SLC18A2: variants seen among roughly 807,000 people sequenced by gnomAD.
SLC18A2 encodes the protein solute carrier family 18 member A2.
SLC18A2 carries 33 observed loss-of-function variants against 59.2 expected under a neutral mutation model. The observed-to-expected ratio is 0.56, with a 90% CI of 0.42 to 0.75. SLC18A2 has a LOEUF of 0.75. Ranked by LOEUF, SLC18A2 falls within the 30% of genes least tolerant of loss-of-function variation. The pLI, the probability that SLC18A2 is intolerant of heterozygous loss-of-function variation, is 0.00. For missense variants in SLC18A2, 569 were observed against 668.6 expected (o/e 0.85, Z 1.64); for synonymous variants, 228 against 253.5 (o/e 0.90, Z 0.95).
chr10:117,253,224 C>T (rs1053662073), intron 3 of SLC18A2, among the ~76,000 whole-genome samples, 175 bp from the exon 4 acceptor site: 1 of 152,008 alleles, frequency 6.6e-6, no homozygotes, highest in Non-Finnish European at 1.5e-5. Flanking sequence ...ATTCACGTTC[C>T]AAGACAGTCA....
chr10:117,257,163 C>T (rs1383204355), intron 9 of SLC18A2, among the ~76,000 whole-genome samples: 2 of 152,208 alleles, frequency 1.3e-5, no homozygotes, highest in South Asian at 2.1e-4. Flanking sequence ...AGGCACAACA[C>T]GGGAAGTTCC....
chr10:117,249,793 A>T (rs1213138248), intron 3 of SLC18A2, among the ~76,000 whole-genome samples: 2 of 151,830 alleles, frequency 1.3e-5, no homozygotes, highest in African/African-American at 4.8e-5. Context: ...TTATTGTTTT[A>T]CATGTTTTTC....
intron 4 of SLC18A2, among the ~76,000 whole-genome samples, 173 bp downstream of exon 4, chr10:117,253,630 GAGGTC>G (rs1169060494): frequency 6.6e-6 from 1 of 152,116 alleles, no homozygotes; most frequent in Non-Finnish European, 1.5e-5. Context: ...CGGATCATCT[GAGGTC>G]AGGAGTCCGA....
intron 15 of SLC18A2, among the ~76,000 whole-genome samples, chr10:117,276,047 T>C (rs1428254413): frequency 6.6e-6 from 1 of 151,698 alleles, no homozygotes; most frequent in East Asian, 1.9e-4. Context: ...TCCTACCACT[T>C]TGGGAGGTTG....
chr10:117,245,358 C>T (rs1393148289), intron 3 of SLC18A2, among the ~76,000 whole-genome samples: 1 of 152,060 alleles, frequency 6.6e-6, no homozygotes, highest in Non-Finnish European at 1.5e-5. Flanking sequence ...ACTAAGGAGG[C>T]AGGGGAAACC....
intron 10 of SLC18A2, among the ~76,000 whole-genome samples, chr10:117,260,513 G>A (rs1844283697): frequency 6.6e-6 from 1 of 152,212 alleles, no homozygotes. Flanking sequence ...AGGGGGCATA[G>A]GCTGTGTGTC....
At position 117,277,189 on chromosome 10, in the gene SLC18A2, A is replaced by G; in HGVS notation, c.1468A>G (p.Ile490Val). Residue 490 changes from isoleucine (I) to valine (V), a missense_variant, in exon 16 of 16, where the codon ATT (isoleucine) becomes GTT (valine). Transcript: ENST00000644641. Reference sequence around the variant, plus strand: ...TATTCTCATGGATCACAACTGCCCTATTAAAACAAAAATGTACACTCAGAA... The same window carrying G: ...TATTCTCATGGATCACAACTGCCCTGTTAAAACAAAAATGTACACTCAGAA... ...MAILMDHNCPIKTKMYTQNNI... is the reference protein window; with the variant it reads ...MAILMDHNCPVKTKMYTQNNI... 6.2e-7 allele frequency: 1 copy of G among 1,610,374 alleles called. No individual in the cohort carries two copies. The highest frequency in any genetic ancestry group is 2.2e-5 in the East Asian group (1 of 44,766).
At chr10:117,250,911 G>A (rs363405) in intron 3 of SLC18A2, among the ~76,000 whole-genome samples, 10,291 of 152,214 alleles carry the variant, frequency 0.068, 688 homozygotes, top group African/African-American at 0.17. Flanking sequence ...CTGAACAGTG[G>A]GCACAGTATG....
chr10:117,248,184 C>T (rs1844128642), intron 3 of SLC18A2, among the ~76,000 whole-genome samples: 2 of 152,094 alleles, frequency 1.3e-5, no homozygotes. Flanking sequence ...AGGCTGATCT[C>T]GAACTCCTGA....
At chr10:117,257,711 C>A in intron 9 of SLC18A2, 86 bp from the exon 10 acceptor site, 1 of 731,524 alleles carries the variant, frequency 1.4e-6, no homozygotes, top group Non-Finnish European at 2.2e-6. Context: ...TTGCGGTTAT[C>A]TGAGCTGTAG....
At chr10:117,263,863 G>A (rs1844320657) in intron 10 of SLC18A2, among the ~76,000 whole-genome samples, 1 of 152,104 alleles carries the variant, frequency 6.6e-6, no homozygotes, top group Non-Finnish European at 1.5e-5. Flanking sequence ...GTAGGACACG[G>A]GCCTGTACCA....
rs112253480 is a variant in SLC18A2 at position 117,244,463 on chromosome 10, C to G, written c.464+150C>G. On this transcript the variant is annotated intron_variant, in intron 3 of 15. Coordinates refer to ENST00000644641, the MANE Select transcript of SLC18A2 (RefSeq NM_003054.6). ...AAAACCCAGTCCCCTTCCCCTATGT[C>G]TCTGTTCCCAGATAACCACAATTTC... 2.7e-5 allele frequency: 18 copies of G among 667,824 alleles called. No homozygotes were observed. In the Admixed American group the frequency reaches 5.2e-4, roughly 19 times the overall value. 41.4% of individuals were successfully genotyped at this position (667,824 alleles called of 1,614,324 possible).
At chr10:117,260,846 C>T (rs1844287400) in intron 10 of SLC18A2, among the ~76,000 whole-genome samples, 1 of 152,180 alleles carries the variant, frequency 6.6e-6, no homozygotes, top group Admixed American at 6.5e-5. Context: ...TTAGAAACAA[C>T]TCTGTTAGAG....
rs1440876197 is a variant in SLC18A2 at position 117,278,999 on chromosome 10, C to T, written c.*1733C>T. 6.6e-6 allele frequency: 1 copy of T among 152,142 alleles called. No individual in the cohort carries two copies. The highest frequency in any genetic ancestry group is 1.5e-5 in the Non-Finnish European group (1 of 68,030). The allele number at this position is 152,142 out of a possible 1,614,324, so 9.4% of individuals were successfully genotyped here. The stretch of plus-strand genomic sequence containing the variant: ...TGAGGGTTTCTGGTTCTCCCTGCCC[C>T]CAATACCATATACTTTATTGCAATT... On this transcript the variant is annotated 3_prime_UTR_variant, in exon 16 of 16. Coordinates refer to ENST00000644641, the MANE Select transcript of SLC18A2 (RefSeq NM_003054.6).
rs765456427 is a variant in SLC18A2, at chr10:117,267,754, T to C, written c.1186+18T>C. 1 of 1,536,846 alleles carries C rather than the reference T, an allele frequency of 6.5e-7. No individual in the cohort carries two copies. Among genetic ancestry groups the C allele is most frequent in the Non-Finnish European group, 8.9e-7 (1 of 1,122,382 alleles). ...TGCAATTGGTAAGTCACACGAACCTTGTGCCTACATTTAAAACCGCTTTTC... is the reference window on the plus strand; with the variant it reads ...TGCAATTGGTAAGTCACACGAACCTCGTGCCTACATTTAAAACCGCTTTTC... On this transcript the variant is annotated intron_variant, in intron 13 of 15. Transcript: ENST00000644641.
chr10:117,259,467 A>G (rs1230625978), intron 10 of SLC18A2, among the ~76,000 whole-genome samples: 3 of 152,154 alleles, frequency 2.0e-5, no homozygotes, highest in Admixed American at 2.0e-4. Flanking sequence ...CTTGCCCTTG[A>G]CTGACTTCCT....
intron 15 of SLC18A2, among the ~76,000 whole-genome samples, chr10:117,276,338 G>A (rs1291599730): frequency 2.6e-5 from 4 of 151,994 alleles, no homozygotes; most frequent in African/African-American, 9.7e-5. Context: ...CTGGCTGGGT[G>A]CAGTGGCTCG....
chr10:117,272,359 C>T (rs1844437332), intron 15 of SLC18A2, among the ~76,000 whole-genome samples: 1 of 152,214 alleles, frequency 6.6e-6, no homozygotes, highest in South Asian at 2.1e-4. Flanking sequence ...CCTTGCCAAG[C>T]CGGCAAACAT....
rs1388483117 is a variant in SLC18A2, at chr10:117,278,672, G to A, written c.*1406G>A. ...TTTGTGTTAACTTCGACATCAAGGAGCAAAGAACTTTAGAACAGACTCCTC... is the reference window on the plus strand; with the variant it reads ...TTTGTGTTAACTTCGACATCAAGGAACAAAGAACTTTAGAACAGACTCCTC... On this transcript the variant is annotated 3_prime_UTR_variant, in exon 16 of 16. Transcript: ENST00000644641. 1 of 152,168 alleles carries A rather than the reference G, an allele frequency of 6.6e-6. No homozygotes were observed. Among genetic ancestry groups the A allele is most frequent in the Non-Finnish European group, 1.5e-5 (1 of 68,022 alleles). The allele number at this position is 152,168 out of a possible 1,614,324, so 9.4% of individuals were successfully genotyped here.
Sources: allele counts gnomAD v4.1 joint callset (sites outside exome capture counted in the v4.1 genomes callset), GRCh38; gene constraint gnomAD v4.1.1; transcripts MANE v1.5; gene names NCBI Gene and HGNC (gene_info 2026-07-23, HGNC 2026-07-21).